SRGAP2B: variants seen among roughly 807,000 people sequenced by gnomAD.
SRGAP2B encodes the protein SLIT-ROBO Rho GTPase-activating protein 2B.
SRGAP2B carries 9 observed loss-of-function variants against 22.2 expected under a neutral mutation model. The observed-to-expected ratio is 0.41, with a 90% CI of 0.24 to 0.71. The LOEUF (loss-of-function observed/expected upper bound fraction) is 0.71, where lower values mean the gene tolerates loss of function less well. Ranked by LOEUF, SRGAP2B falls within the 30% of genes least tolerant of loss-of-function variation. SRGAP2B has a pLI of 0.35. For missense variants in SRGAP2B, 114 were observed against 235.8 expected (o/e 0.48, Z 3.38); for synonymous variants, 36 against 87.4 (o/e 0.41, Z 3.28).
rs1347811837 is a variant in SRGAP2B, at chr1:144,925,263, C to T, written c.424-10509G>A. Among the ~76,000 whole-genome samples, 63 of 149,254 alleles carry T rather than the reference C, an allele frequency of 4.2e-4. 1 individual carries two copies. The highest frequency in any genetic ancestry group is 2.0e-4 in the Admixed American group (3 of 15,062). Reference sequence around the variant, plus strand: ...CAAGTGATCTGCCTGCCTCGGCCTCCGAAAGTGCTGTGATTACAGGAGTGA... The same window carrying T: ...CAAGTGATCTGCCTGCCTCGGCCTCTGAAAGTGCTGTGATTACAGGAGTGA... On this transcript the variant is annotated intron_variant, in intron 4 of 9. Coordinates refer to ENST00000612199, the Ensembl canonical transcript of SRGAP2B.
At chr1:145,044,624 G>T (rs4844869) in intron 2 of SRGAP2B, among the ~76,000 whole-genome samples, 1 of 108,384 alleles carries the variant, frequency 9.2e-6, no homozygotes, top group Non-Finnish European at 1.7e-5. Context: ...TTTCTTTTCC[G>T]TATATTTTAT....
At chr1:144,925,247 T>C (rs1463157827) in intron 4 of SRGAP2B, among the ~76,000 whole-genome samples, 2 of 149,780 alleles carry the variant, frequency 1.3e-5, no homozygotes, top group South Asian at 2.1e-4. Flanking sequence ...TCAAGTGATC[T>C]GCCTGCCTCG....
At chr1:144,907,480 C>A (rs1663077650) in intron 5 of SRGAP2B, among the ~76,000 whole-genome samples, 2 of 148,150 alleles carry the variant, frequency 1.3e-5, no homozygotes, top group Non-Finnish European at 1.5e-5. Context: ...TGGAGCTGAA[C>A]TGGTTGGGAG....
chr1:144,966,716 A>T (rs1377533889), intron 3 of SRGAP2B, among the ~76,000 whole-genome samples: 1 of 147,196 alleles, frequency 6.8e-6, no homozygotes, highest in Admixed American at 6.6e-5. Flanking sequence ...AAGAGTCAAG[A>T]CCCATCAGTG....
chr1:145,020,474 A>G (rs1672721701), intron 2 of SRGAP2B, among the ~76,000 whole-genome samples: 1 of 147,872 alleles, frequency 6.8e-6, no homozygotes, highest in Admixed American at 6.7e-5. Flanking sequence ...AAAGAAGAAA[A>G]AATTTTAAAA....
chr1:144,927,518 C>CT (rs1239474907), intron 4 of SRGAP2B, among the ~76,000 whole-genome samples: 2 of 150,246 alleles, frequency 1.3e-5, no homozygotes, highest in African/African-American at 5.0e-5. Context: ...GTCAACCATG[C>CT]TGTTGCTCCA....
chr1:144,990,528 C>T (rs1261217670), intron 3 of SRGAP2B, among the ~76,000 whole-genome samples: 1 of 130,636 alleles, frequency 7.7e-6, no homozygotes, highest in Non-Finnish European at 1.6e-5. Context: ...CCTCCCCTGC[C>T]TGGGCTCCCA....
intron 2 of SRGAP2B, among the ~76,000 whole-genome samples, chr1:145,064,756 G>A (rs112255046): frequency 0.072 from 10,833 of 150,236 alleles, 718 homozygotes; most frequent in Non-Finnish European, 0.11. Context: ...AGGAGATAAC[G>A]GATAGGAAAG....
At chr1:144,984,021 T>TA (rs68082252) in intron 3 of SRGAP2B, among the ~76,000 whole-genome samples, 2 of 150,964 alleles carry the variant, frequency 1.3e-5, no homozygotes, top group Non-Finnish European at 2.9e-5. Context: ...TAACTTCTGT[T>TA]AAAAAACACT....
chr1:144,960,374 G>T (rs1570855726), intron 3 of SRGAP2B, among the ~76,000 whole-genome samples: 2 of 150,718 alleles, frequency 1.3e-5, no homozygotes, highest in Non-Finnish European at 2.9e-5. Context: ...AAGGAGACCC[G>T]GAAAGTCACA....
At chr1:145,044,650 TAAAAAAAAAAAAAAAAAAA>T (rs1184404731) in intron 2 of SRGAP2B, among the ~76,000 whole-genome samples, 22 of 30,670 alleles carry the variant, frequency 7.2e-4, no homozygotes, top group East Asian at 3.8e-3. Context: ...AACCCCCTCC[TAAAAAAAAAAAAAAAAAAA>T]AAAAAAAAAA....
At chr1:144,923,165 A>G (rs1206121972) in intron 4 of SRGAP2B, among the ~76,000 whole-genome samples, 6 of 150,726 alleles carry the variant, frequency 4.0e-5, no homozygotes, top group Non-Finnish European at 1.5e-5. Context: ...ATGTTCTTCC[A>G]TGGTTGTTCC....
At chr1:144,993,852 G>A (rs1232280823) in intron 3 of SRGAP2B, among the ~76,000 whole-genome samples, 1 of 149,530 alleles carries the variant, frequency 6.7e-6, no homozygotes, top group Non-Finnish European at 1.5e-5. Context: ...TTGGAATGGA[G>A]AGAAACTGTA....
At position 144,965,172 on chromosome 1, in the gene SRGAP2B, C is replaced by T. The variant is rs1553611974; in HGVS notation, c.261-9571G>A. ...TGTAGGGGGGAGGAGCCAAGATGGC[C>T]GAATAGGAACAGCTCCGGTCTACAG... On this transcript the variant is annotated intron_variant, in intron 3 of 9. Coordinates refer to ENST00000612199, the Ensembl canonical transcript of SRGAP2B. The T allele has an allele frequency of 1.2e-5, 13 of 1,069,408 alleles. 1 individual carries two copies. Among genetic ancestry groups the T allele is most frequent in the East Asian group, 9.7e-5 (4 of 41,276 alleles). 66.2% of individuals were successfully genotyped at this position (1,069,408 alleles called of 1,614,324 possible).
At chr1:144,887,371 T>A (rs1269296065) in exon 10 of SRGAP2B, 1 of 61,400 alleles carries the variant, frequency 1.6e-5, no homozygotes, top group Non-Finnish European at 3.0e-5. Context: ...AGAATAAACA[T>A]TCCATTGGAA....
chr1:144,932,221 C>A (rs1372040761), intron 4 of SRGAP2B, among the ~76,000 whole-genome samples: 2 of 149,118 alleles, frequency 1.3e-5, no homozygotes, highest in African/African-American at 5.1e-5. Flanking sequence ...TCCCCACCCC[C>A]CAAATCCTGG....
intron 3 of SRGAP2B, among the ~76,000 whole-genome samples, chr1:144,959,437 A>T (rs1305123685): frequency 6.9e-6 from 1 of 144,372 alleles, no homozygotes; most frequent in African/African-American, 2.7e-5. Context: ...TACCTAAACC[A>T]AAACCAGATG....
chr1:145,073,232 C>CTAT, intron 2 of SRGAP2B, among the ~76,000 whole-genome samples: 1 of 149,594 alleles, frequency 6.7e-6, no homozygotes, highest in Non-Finnish European at 1.5e-5. Context: ...TTCACAGTTT[C>CTAT]TCTGCAACAT....
At position 144,971,131 on chromosome 1, in the gene SRGAP2B, CT is replaced by C. The variant is rs60651899; in HGVS notation, c.261-15531del. 5.5e-3 allele frequency among the ~76,000 whole-genome samples: 773 copies of C among 140,822 alleles called. 15 individuals are homozygous for C. Among genetic ancestry groups the C allele is most frequent in the African/African-American group, 0.015 (577 of 37,680 alleles). 92.4% of individuals were successfully genotyped at this position (140,822 alleles called of 152,430 possible). On this transcript the variant is annotated intron_variant, in intron 3 of 9. Transcript: ENST00000612199. ...TTAGTATACTAAATAGGAACACTTC[CT>C]TTTTTTTTTTTTTTTGAGACGGAGT... is the stretch of plus-strand genomic sequence containing the variant.
Sources: gnomAD v4.1 joint callset for allele counts (sites outside exome capture counted in the v4.1 genomes callset) on GRCh38, gnomAD v4.1.1 for gene constraint, MANE v1.5 for transcripts, NCBI Gene and HGNC (gene_info 2026-07-23, HGNC 2026-07-21) for gene names.